NRAP: variants seen among roughly 807,000 people sequenced by gnomAD.
NRAP encodes nebulin-related-anchoring protein.
NRAP carries 189 observed loss-of-function variants against 225.9 expected under a neutral mutation model. The observed-to-expected ratio is 0.84, with a 90% CI of 0.74 to 0.94. NRAP has a LOEUF of 0.94. Ranked by LOEUF, NRAP falls within the 40% of genes least tolerant of loss-of-function variation. The pLI, the probability that NRAP is intolerant of heterozygous loss-of-function variation, is 0.00. For synonymous variants in NRAP, 769 were observed against 790.7 expected (o/e 0.97, Z 0.46); for missense variants, 2,176 against 2,168.7 (o/e 1.00, Z -0.07).
chr10:113,590,145 C>T (rs560388325), intron 40 of NRAP, among the ~76,000 whole-genome samples: 1 of 152,284 alleles, frequency 6.6e-6, no homozygotes, highest in East Asian at 1.9e-4. Context: ...AGAGAAAGTG[C>T]AAAGGCTGGG....
At chr10:113,661,983 G>C (rs184597894) in intron 3 of NRAP, among the ~76,000 whole-genome samples, 7 of 152,296 alleles carry the variant, frequency 4.6e-5, no homozygotes, top group African/African-American at 1.7e-4. Flanking sequence ...AGTATATGCA[G>C]AGCCTACTCT....
At chr10:113,614,145 G>T (rs1847495841) in intron 29 of NRAP, 38 bp downstream of exon 29, 2 of 1,356,658 alleles carry the variant, frequency 1.5e-6, no homozygotes, top group Non-Finnish European at 2.1e-6. Context: ...TTGTCAGGTG[G>T]GGGCCCTGCA....
chr10:113,659,946 T>C (rs1243575491), intron 3 of NRAP, among the ~76,000 whole-genome samples: 2 of 152,038 alleles, frequency 1.3e-5, no homozygotes, highest in Non-Finnish European at 2.9e-5. Context: ...AGGTAATTCA[T>C]AACACACCCT....
intron 24 of NRAP, 39 bp from the exon 25 acceptor site, chr10:113,620,747 T>C (rs1847940169): frequency 3.5e-6 from 5 of 1,418,668 alleles, no homozygotes; most frequent in Non-Finnish European, 5.0e-6. Context: ...AGCAGGCCAT[T>C]GTTGGTGCAC....
At chr10:113,591,871 C>T (rs917970533) in intron 39 of NRAP, among the ~76,000 whole-genome samples, 2 of 152,230 alleles carry the variant, frequency 1.3e-5, no homozygotes, top group African/African-American at 4.8e-5. Flanking sequence ...CCACACTGAA[C>T]TTCAGCTAAA....
At position 113,640,311 on chromosome 10, in the gene NRAP, A is replaced by T. The variant is rs769934917; in HGVS notation, c.1344T>A (p.Tyr448Ter). ...LASNVAYKADYKHDIVDYNYP... is the reference protein window; with the variant it reads ...LASNVAYKAD ...AGTTGTAGTCGACAATATCATGTTTATAATCAGCTTTGTAGGCAACCTAAA... is the reference window on the plus strand; with the variant it reads ...AGTTGTAGTCGACAATATCATGTTTTTAATCAGCTTTGTAGGCAACCTAAA... Residue 448 changes from tyrosine (Y) to a stop codon, truncating the protein, a stop_gained, in exon 14 of 42, where the codon TAT becomes TAA. Transcript: ENST00000359988. LOFTEE classifies it high-confidence loss of function. 76 of 1,593,630 alleles carry T rather than the reference A, an allele frequency of 4.8e-5. No homozygotes were observed. The highest frequency in any genetic ancestry group is 8.5e-6 in the Non-Finnish European group (10 of 1,170,056).
At chr10:113,655,381 C>G (rs1592873750) in intron 4 of NRAP, among the ~76,000 whole-genome samples, 3 of 151,064 alleles carry the variant, frequency 2.0e-5, no homozygotes, top group South Asian at 2.1e-4. Flanking sequence ...ATGTTCCTTG[C>G]AAATTTGCAA....
At chr10:113,635,470 T>C (rs1018431062) in intron 14 of NRAP, among the ~76,000 whole-genome samples, 8 of 152,214 alleles carry the variant, frequency 5.3e-5, no homozygotes, top group Admixed American at 1.3e-4. Context: ...CTATGTCACC[T>C]AGGTGGGAAT....
rs774068086 is a variant in NRAP, at chr10:113,651,820, C to T, written c.658G>A (p.Ala220Thr). The T allele has an allele frequency of 5.6e-5, 90 of 1,610,672 alleles. No homozygotes were observed. Among genetic ancestry groups the T allele is most frequent in the Middle Eastern group, 3.3e-4 (2 of 6,074 alleles). The change falls in exon 7 of 42, where the codon GCA (alanine) becomes ACA (threonine). Residue 220 changes from alanine (A) to threonine (T), a missense_variant. Ala to Thr is a moderately conservative substitution (Grantham distance 58). This residue lies in a region of NRAP where 1,708 missense variants were observed against 1,695.5 expected (regional missense o/e 1.01). Transcript: ENST00000359988. The stretch of plus-strand genomic sequence containing the variant: ...TTTCTTACATCACTTTGAAGCTGTG[C>T]CCCAGCCTTGCTCCGTAGCAGCTCA... ...TPELLRSKAG[A>T]QLQSDVRYTE...
Position 113,621,931 on chromosome 10 carries a change from T to C in NRAP, c.2707A>G (p.Thr903Ala), listed in dbSNP as rs138996633. 6 of 1,614,028 alleles carry C rather than the reference T, an allele frequency of 3.7e-6. No individual in the cohort carries two copies. Among genetic ancestry groups the C allele is most frequent in the African/African-American group, 1.3e-5 (1 of 74,920 alleles). The change falls in exon 24 of 42, where the codon ACG becomes GCG. Residue 903 changes from threonine to alanine, a missense_variant. Physicochemically the swap from Thr to Ala is moderately conservative, Grantham distance 58. This residue lies in a region of NRAP where 1,708 missense variants were observed against 1,695.5 expected (regional missense o/e 1.01). Transcript: ENST00000359988. The stretch of plus-strand genomic sequence containing the variant: ...ACCTTCATGTCTGTGGGCAAAGCCG[T>C]AAAGTGATGTTCCGCTGTCTTGTAG... ...VGYKTAEHHF[T>A]ALPTDMKVEW... is the part of the protein sequence containing the mutation.
rs1850063688 is a variant in NRAP, at chr10:113,652,852, T to C, written c.570+83A>G. ...TACCTACTTCCCCAAAGCACTCTCTTACTGTTTTTTCCCTAAATCACGGGG... is the reference window on the plus strand; with the variant it reads ...TACCTACTTCCCCAAAGCACTCTCTCACTGTTTTTTCCCTAAATCACGGGG... On this transcript the variant is annotated intron_variant, in intron 6 of 41. Coordinates refer to ENST00000359988, the MANE Select transcript of NRAP (RefSeq NM_198060.4). 7 of 888,632 alleles carry C rather than the reference T, an allele frequency of 7.9e-6. No homozygotes were observed. In the Admixed American group the frequency reaches 9.9e-5, roughly 13 times the overall value. The allele number at this position is 888,632 out of a possible 1,614,324, so 55.0% of individuals were successfully genotyped here. A position where few individuals can be genotyped will look rare whatever the true frequency, so the allele number is the denominator to read the frequency against.
chr10:113,611,861 A>T, intron 30 of NRAP, among the ~76,000 whole-genome samples: 1 of 152,242 alleles, frequency 6.6e-6, no homozygotes, highest in African/African-American at 2.4e-5. Context: ...TGTCATTCAA[A>T]CCTCAAGTTC....
At chr10:113,620,806 C>T (rs969532865) in intron 24 of NRAP, 98 bp from the exon 25 acceptor site, 1 of 827,068 alleles carries the variant, frequency 1.2e-6, no homozygotes, top group Admixed American at 2.0e-5. Flanking sequence ...TTGGTGCCAG[C>T]TGAGTCAAAT....
intron 3 of NRAP, among the ~76,000 whole-genome samples, chr10:113,660,307 T>C (rs1188599067): frequency 1.3e-5 from 2 of 151,740 alleles, no homozygotes; most frequent in South Asian, 4.2e-4. Flanking sequence ...TACACACATA[T>C]AGATGTGTGT....
rs1231836687 is a variant in NRAP at position 113,643,013 on chromosome 10, C to G, written c.1136G>C (p.Ser379Thr). Reference sequence around the variant, plus strand: ...GTAGTTGATACTGTGACCTCTACTACTTTCCAGATCCTTCTTATACTCCAC... The same window carrying G: ...GTAGTTGATACTGTGACCTCTACTAGTTTCCAGATCCTTCTTATACTCCAC... Reference protein sequence around the residue: ...SEVEYKKDLESSRGHSINYCE... With the variant: ...SEVEYKKDLETSRGHSINYCE... The change falls in exon 12 of 42, where the codon AGT becomes ACT. Residue 379 changes from serine to threonine, a missense_variant. Transcript: ENST00000359988. 6.3e-7 allele frequency: 1 copy of G among 1,589,432 alleles called. No homozygotes were observed. Among genetic ancestry groups the G allele is most frequent in the Non-Finnish European group, 8.6e-7 (1 of 1,157,524 alleles).
At chr10:113,654,262 G>A in intron 4 of NRAP, 137 bp from the exon 5 acceptor site, 1 of 577,766 alleles carries the variant, frequency 1.7e-6, no homozygotes, top group Non-Finnish European at 3.1e-6. Flanking sequence ...TAACTGAAAT[G>A]TTCATTTATT....
rs3832698 is a variant in NRAP at position 113,588,967 on chromosome 10, GA to G, written c.*7del. ...CTCTGGCCTCTCAGGAATCAGGGTG[GA>G]CATGGCTCACAACAGCAGGGCCTTC... is the stretch of plus-strand genomic sequence containing the variant. On this transcript the variant is annotated 3_prime_UTR_variant, in exon 42 of 42. Transcript: ENST00000359988. 0.34 allele frequency: 554,325 copies of G among 1,607,390 alleles called. 96,830 individuals are homozygous for G. The highest frequency in any genetic ancestry group is 0.48 in the Admixed American group (28,597 of 59,956).
rs541868319 is a variant in NRAP at position 113,663,759 on chromosome 10, T to C, written c.72+52A>G. On this transcript the variant is annotated intron_variant, in intron 1 of 41. Coordinates refer to ENST00000359988, the MANE Select transcript of NRAP (RefSeq NM_198060.4). Reference sequence around the variant, plus strand: ...TTACCTATGTCCATATGTGAGAAGGTCAATTTCCTGTGTTTGTTATTATTC... The same window carrying C: ...TTACCTATGTCCATATGTGAGAAGGCCAATTTCCTGTGTTTGTTATTATTC... 2.3e-6 allele frequency: 3 copies of C among 1,290,624 alleles called. No homozygotes were observed. In the South Asian group the frequency reaches 3.6e-5, roughly 15 times the overall value. 79.9% of individuals were successfully genotyped at this position (1,290,624 alleles called of 1,614,324 possible). A position where few individuals can be genotyped will look rare whatever the true frequency, so the allele number is the denominator to read the frequency against.
chr10:113,593,946 G>T (rs1345086164), intron 38 of NRAP, among the ~76,000 whole-genome samples: 2 of 152,224 alleles, frequency 1.3e-5, no homozygotes, highest in Admixed American at 1.3e-4. Flanking sequence ...CAGATCGGGG[G>T]TCTCCCGAGT....
Sources: allele counts gnomAD v4.1 joint callset (sites outside exome capture counted in the v4.1 genomes callset), GRCh38; gene constraint gnomAD v4.1.1; regional missense constraint gnomAD v4.1.1; transcripts MANE v1.5; gene names NCBI Gene and HGNC (gene_info 2026-07-23, HGNC 2026-07-21).